The following CEP135 variants were observed in gnomAD, a reference collection of about 807,000 sequenced individuals.
The protein encoded by CEP135 is centrosomal protein 135, also known as centrosomal protein of 135 kDa.
CEP135 carries 142 observed loss-of-function variants against 157.3 expected under a neutral mutation model. The ratio of observed to expected loss-of-function variants is 0.90; its 90% CI spans 0.79 to 1.04. The LOEUF is 1.04. Ranked by LOEUF, CEP135 falls within the 50% of genes least tolerant of loss-of-function variation. The pLI, the probability that CEP135 is intolerant of heterozygous loss-of-function variation, is 0.00. For synonymous variants in CEP135, 396 were observed against 439.8 expected (o/e 0.90, Z 1.25); for missense variants, 1,317 against 1,309.2 (o/e 1.01, Z -0.09).
chr4:55,992,185 A>G (rs1159765467), intron 15 of CEP135, 100 bp downstream of exon 15: 6 of 1,146,506 alleles, frequency 5.2e-6, no homozygotes, highest in Non-Finnish European at 6.1e-6. Flanking sequence ...TTTGTGCAGT[A>G]GTTTTAGAAG....
At chr4:55,971,732 A>G (rs1729032783) in intron 10 of CEP135, among the ~76,000 whole-genome samples, 1 of 152,250 alleles carries the variant, frequency 6.6e-6, no homozygotes, top group Admixed American at 6.5e-5. Flanking sequence ...ATTGAAGTAC[A>G]GAATCTTTTC....
chr4:55,956,723 GC>G (rs967927870), intron 4 of CEP135, among the ~76,000 whole-genome samples: 15 of 152,046 alleles, frequency 9.9e-5, no homozygotes, highest in African/African-American at 3.6e-4. Flanking sequence ...AGATTCTCCT[GC>G]CTCAGCCTCC....
At chr4:56,011,155 A>G (rs1302077618) in intron 19 of CEP135, among the ~76,000 whole-genome samples, 5 of 152,120 alleles carry the variant, frequency 3.3e-5, no homozygotes, top group Non-Finnish European at 5.9e-5. Flanking sequence ...GGATTGCTTG[A>G]GCCCAGAAGG....
intron 3 of CEP135, among the ~76,000 whole-genome samples, chr4:55,953,537 C>T (rs1728424396): frequency 6.6e-6 from 1 of 152,042 alleles, no homozygotes; most frequent in African/African-American, 2.4e-5. Flanking sequence ...GGTACTCCTT[C>T]TGCTAATAGC....
chr4:56,027,705 A>G (rs1731202446), intron 25 of CEP135, among the ~76,000 whole-genome samples: 1 of 152,074 alleles, frequency 6.6e-6, no homozygotes, highest in African/African-American at 2.4e-5. Flanking sequence ...TTTTGTTTTT[A>G]GAGCCAGGGT....
At chr4:55,950,364 T>G (rs1728326364) in intron 1 of CEP135, among the ~76,000 whole-genome samples, 1 of 152,226 alleles carries the variant, frequency 6.6e-6, no homozygotes, top group African/African-American at 2.4e-5. Context: ...TGCTCATGCA[T>G]GTAATGCATT....
chr4:55,994,217 A>G (rs1205755264), intron 15 of CEP135, among the ~76,000 whole-genome samples: 3 of 152,166 alleles, frequency 2.0e-5, no homozygotes, highest in African/African-American at 2.4e-5. Context: ...TGATCACATC[A>G]TGTTCTCTTT....
At chr4:55,949,143 CGGGCACTGCCGG>C (rs1038726767) in intron 1 of CEP135, 84 bp downstream of exon 1, 1 of 152,928 alleles carries the variant, frequency 6.5e-6, no homozygotes, top group Non-Finnish European at 1.5e-5. Flanking sequence ...GGGCCGGGCT[CGGGCACTGCCGG>C]GAGGCCGCGC....
chr4:55,957,276 C>T lies in CEP135; in HGVS notation c.526C>T (p.Pro176Ser). 1 of 1,614,106 alleles carries T rather than the reference C, an allele frequency of 6.2e-7. No homozygotes were observed. Among genetic ancestry groups the T allele is most frequent in the Non-Finnish European group, 8.5e-7 (1 of 1,179,972 alleles). ...GCGCCAGCGTATGCAAATTGATGAA[C>T]CGGTTCCTCCCTCTGAAGTCAGTTC... ...FRRQRMQIDE[P>S]VPPSEVSSYP... Residue 176 changes from proline to serine, a missense_variant, in exon 5 of 26, where the codon CCG becomes TCG. Transcript: ENST00000257287.
chr4:55,972,034 C>T, intron 10 of CEP135, among the ~76,000 whole-genome samples: 1 of 152,116 alleles, frequency 6.6e-6, no homozygotes, highest in Non-Finnish European at 1.5e-5. Context: ...ACTGTAATCC[C>T]AGCTACTCAG....
intron 6 of CEP135, among the ~76,000 whole-genome samples, chr4:55,962,062 C>T (rs1455673750): frequency 2.0e-5 from 3 of 152,012 alleles, no homozygotes; most frequent in Non-Finnish European, 4.4e-5. Context: ...CCTGTGAAGA[C>T]GTACTTCTAT....
chr4:56,016,620 A>AT lies in CEP135; in HGVS notation c.2803-1023dup, dbSNP rs142262677. Among the ~76,000 whole-genome samples the AT allele has an allele frequency of 7.7e-3, 1,180 of 152,274 alleles. 15 individuals are homozygous for AT. The highest frequency in any genetic ancestry group is 0.027 in the African/African-American group (1,124 of 41,554). ...TAAAAAATCTAAATACTTTTCTGCA[A>AT]TTTTTGAAATTGATTAAATCTTCAC... On this transcript the variant is annotated intron_variant, in intron 21 of 25. Coordinates refer to ENST00000257287, the MANE Select transcript of CEP135 (RefSeq NM_025009.5).
intron 25 of CEP135, among the ~76,000 whole-genome samples, chr4:56,029,458 A>G (rs971621318): frequency 1.3e-5 from 2 of 152,176 alleles, no homozygotes; most frequent in Non-Finnish European, 2.9e-5. Context: ...CTTGCAAAAG[A>G]CAAAATTATC....
intron 17 of CEP135, among the ~76,000 whole-genome samples, chr4:56,006,725 A>G (rs1356068665): frequency 6.6e-6 from 1 of 152,154 alleles, no homozygotes; most frequent in African/African-American, 2.4e-5. Context: ...TTGGCCAGAG[A>G]GCTCAGGTGT....
chr4:56,011,376 T>G (rs1730575588), intron 19 of CEP135, 36 bp from the exon 20 acceptor site: 1 of 1,359,430 alleles, frequency 7.4e-7, no homozygotes, highest in African/African-American at 1.5e-5. Context: ...TGGTGTTGTG[T>G]TCATTTTAGA....
chr4:55,981,504 C>A, intron 13 of CEP135, 125 bp downstream of exon 13: 1 of 662,808 alleles, frequency 1.5e-6, no homozygotes, highest in Non-Finnish European at 2.4e-6. Context: ...GGCCTGTGAG[C>A]TAAGAATGGA....
At chr4:56,018,562 A>G (rs1032955672) in intron 22 of CEP135, among the ~76,000 whole-genome samples, 1 of 152,154 alleles carries the variant, frequency 6.6e-6, no homozygotes, top group Non-Finnish European at 1.5e-5. Context: ...GTTTGAAACC[A>G]GCCTGGATAG....
intron 23 of CEP135, among the ~76,000 whole-genome samples, chr4:56,020,226 G>A (rs1730929207): frequency 6.6e-6 from 1 of 152,120 alleles, no homozygotes; most frequent in Admixed American, 6.6e-5. Context: ...CCACATACAT[G>A]TATTGATTAC....
chr4:55,949,809 G>T (rs1016193208), intron 1 of CEP135, among the ~76,000 whole-genome samples: 2 of 152,172 alleles, frequency 1.3e-5, no homozygotes, highest in Non-Finnish European at 2.9e-5. Context: ...TCATGGGTGG[G>T]GACGGCCTAA....
Sources: gnomAD v4.1 joint callset for allele counts (sites outside exome capture counted in the v4.1 genomes callset) on GRCh38, gnomAD v4.1.1 for gene constraint, MANE v1.5 for transcripts, NCBI Gene and HGNC (gene_info 2026-07-23, HGNC 2026-07-21) for gene names.